The following COL4A5 variants were observed in gnomAD, a reference collection of about 807,000 sequenced individuals.
COL4A5 encodes the protein collagen type IV alpha 5 chain.
In COL4A5, 26 loss-of-function variants were observed where a neutral mutation model predicts 130.2. The observed-to-expected ratio is 0.20, with a 90% confidence interval of 0.15 to 0.28. COL4A5 has a LOEUF of 0.28. Ranked by LOEUF, COL4A5 falls within the 10% of genes least tolerant of loss-of-function variation. The pLI is 1.00. For missense variants in COL4A5, 1,131 were observed against 1,344.3 expected, an observed-to-expected ratio of 0.84 and a Z score of 2.48; for synonymous variants, 496 against 439.6, an observed-to-expected ratio of 1.13 and a Z score of -1.60.
At chrX:108,507,543 T>G (rs2065137892) in intron 1 of COL4A5, among the ~76,000 whole-genome samples, 1 of 112,125 alleles carries the variant, frequency 8.9e-6, no homozygotes, top group Admixed American at 9.4e-5. Context: ...GCATGGTGGC[T>G]CACGCCTGTA....
Position 108,681,648 on chromosome X carries a change from T to C in COL4A5, c.4088-112T>C, listed in dbSNP as rs1603317950. 4.3e-6 allele frequency: 4 copies of C among 930,787 alleles called. No homozygotes were observed. In the East Asian group the frequency reaches 1.2e-4, roughly 29 times the overall value. The allele number at this position is 930,787 out of a possible 1,213,427, so 76.7% of individuals were successfully genotyped here. The stretch of plus-strand genomic sequence containing the variant: ...AGATTTCTGTTAGATATGGCAGCAA[T>C]TCAAAAACTGGTTTCTCTCACACCA... On this transcript the variant is annotated intron_variant, in intron 46 of 52. Coordinates refer to ENST00000328300, the MANE Select transcript of COL4A5 (RefSeq NM_033380.3).
chrX:108,598,231 C>T (rs1035371072), intron 24 of COL4A5, among the ~76,000 whole-genome samples: 2 of 111,089 alleles, frequency 1.8e-5, no homozygotes, highest in Non-Finnish European at 3.8e-5. Flanking sequence ...AACCTCATAA[C>T]CAGCAGTTTA....
At chrX:108,662,304 G>A (rs920023754) in intron 37 of COL4A5, among the ~76,000 whole-genome samples, 5 of 110,443 alleles carry the variant, frequency 4.5e-5, no homozygotes, top group African/African-American at 1.6e-4. Flanking sequence ...AATCAACACC[G>A]CATGTTCTCA....
At chrX:108,490,848 G>T (rs2064987143) in intron 1 of COL4A5, among the ~76,000 whole-genome samples, 1 of 110,642 alleles carries the variant, frequency 9.0e-6, no homozygotes, top group Non-Finnish European at 1.9e-5. Context: ...TTCCTTCTTG[G>T]TGTTCGTAAG....
intron 1 of COL4A5, among the ~76,000 whole-genome samples, chrX:108,482,623 C>T (rs1435343766): frequency 9.0e-6 from 1 of 111,677 alleles, no homozygotes; most frequent in Non-Finnish European, 1.9e-5. Context: ...CAATCAATGC[C>T]CTCACTTTAA....
intron 2 of COL4A5, among the ~76,000 whole-genome samples, chrX:108,558,008 T>C (rs1473608807): frequency 9.3e-6 from 1 of 107,734 alleles, no homozygotes; most frequent in Non-Finnish European, 1.9e-5. Context: ...ATGTGCCATG[T>C]TGGTGTGCTG....
At chrX:108,692,606 C>A in intron 49 of COL4A5, 142 bp from the exon 50 acceptor site, 2 of 493,187 alleles carry the variant, frequency 4.1e-6, no homozygotes, top group African/African-American at 2.4e-5. Flanking sequence ...ATGAGTAAAT[C>A]TTAGACTTAA....
intron 1 of COL4A5, among the ~76,000 whole-genome samples, chrX:108,461,468 T>C (rs1169202169): frequency 5.3e-5 from 6 of 112,357 alleles, no homozygotes; most frequent in Non-Finnish European, 9.4e-5. Flanking sequence ...CCAATTTAAG[T>C]TGGAAAAAAC....
chrX:108,689,247 T>C, intron 49 of COL4A5: 5 of 369,484 alleles, frequency 1.4e-5, no homozygotes, highest in Non-Finnish European at 1.7e-5. Flanking sequence ...TTTAATTTAA[T>C]ATCTTCAGGT....
intron 1 of COL4A5, among the ~76,000 whole-genome samples, chrX:108,500,714 A>G (rs747068060): frequency 8.9e-6 from 1 of 112,131 alleles, no homozygotes; most frequent in South Asian, 3.7e-4. Flanking sequence ...TTAAATTATT[A>G]AATAGGTGAC....
intron 1 of COL4A5, among the ~76,000 whole-genome samples, chrX:108,465,432 A>C (rs1404878911): frequency 9.0e-6 from 1 of 111,363 alleles, no homozygotes; most frequent in African/African-American, 3.3e-5. Flanking sequence ...TTTTTTTCAA[A>C]AGTTGGATTA....
chrX:108,596,935 A>C, intron 22 of COL4A5, 63 bp from the exon 23 acceptor site: 1 of 1,062,385 alleles, frequency 9.4e-7, no homozygotes. Flanking sequence ...CTTTGTCAGG[A>C]GTTCAAGCTC....
chrX:108,487,123 G>A (rs1428198508), intron 1 of COL4A5, among the ~76,000 whole-genome samples: 4 of 111,119 alleles, frequency 3.6e-5, no homozygotes, highest in African/African-American at 1.3e-4. Context: ...TGGGTGTGGT[G>A]GCTCACGCCT....
At chrX:108,476,097 C>G (rs1376268470) in intron 1 of COL4A5, among the ~76,000 whole-genome samples, 5 of 111,345 alleles carry the variant, frequency 4.5e-5, no homozygotes, top group Non-Finnish European at 9.4e-5. Flanking sequence ...TAAGGGATAT[C>G]CTTTACCAGA....
intron 1 of COL4A5, among the ~76,000 whole-genome samples, chrX:108,532,723 A>C (rs775627575): frequency 8.9e-6 from 1 of 111,827 alleles, no homozygotes; most frequent in African/African-American, 3.2e-5. Flanking sequence ...ATGTACAAGA[A>C]TCAGTAGCCT....
chrX:108,593,838 T>C (rs2066471960), intron 21 of COL4A5, among the ~76,000 whole-genome samples: 1 of 112,290 alleles, frequency 8.9e-6, no homozygotes, highest in Non-Finnish European at 1.9e-5. Flanking sequence ...TTGGATATTC[T>C]AGGTTCTTTG....
intron 36 of COL4A5, among the ~76,000 whole-genome samples, chrX:108,644,353 C>T (rs773061437): frequency 3.6e-5 from 4 of 111,901 alleles, no homozygotes; most frequent in Admixed American, 9.5e-5. Flanking sequence ...AACAAAGAAA[C>T]AATAGATTTA....
At chrX:108,502,576 C>T (rs1177312576) in intron 1 of COL4A5, among the ~76,000 whole-genome samples, 6 of 111,942 alleles carry the variant, frequency 5.4e-5, no homozygotes, top group East Asian at 5.6e-4. Flanking sequence ...TGAGCCACCG[C>T]GCCCGGCTAC....
intron 1 of COL4A5, among the ~76,000 whole-genome samples, chrX:108,521,967 C>A (rs1188996778): frequency 5.4e-5 from 6 of 110,964 alleles, no homozygotes; most frequent in African/African-American, 2.0e-4. Flanking sequence ...CGTTCCATGG[C>A]AGCCCAGCCC....
Sources: allele counts gnomAD v4.1 joint callset (sites outside exome capture counted in the v4.1 genomes callset), GRCh38; gene constraint gnomAD v4.1.1; transcripts MANE v1.5; gene names NCBI Gene and HGNC (gene_info 2026-07-23, HGNC 2026-07-21).